DENND2A: variants seen among roughly 807,000 people sequenced by gnomAD.
The protein encoded by DENND2A is DENN domain containing 2A.
A neutral mutation model predicts 105.3 loss-of-function variants in DENND2A; 53 were observed. The ratio of observed to expected loss-of-function variants is 0.50; its 90% CI spans 0.40 to 0.63. The LOEUF (loss-of-function observed/expected upper bound fraction) is 0.63, where lower values mean the gene tolerates loss of function less well. Among genes scored for constraint, DENND2A ranks in the 30% least tolerant of loss-of-function variants. The pLI is 0.00. For missense variants in DENND2A, 1,138 were observed against 1,279.6 expected (o/e 0.89, Z 1.69); for synonymous variants, 522 against 508.4 (o/e 1.03, Z -0.36).
chr7:140,578,788 C>T (rs564737028), intron 5 of DENND2A, among the ~76,000 whole-genome samples: 2 of 152,166 alleles, frequency 1.3e-5, no homozygotes, highest in South Asian at 4.2e-4. Context: ...ACAGGAGAAT[C>T]GCTTGAACCC....
intron 3 of DENND2A, among the ~76,000 whole-genome samples, chr7:140,592,717 A>G (rs548238263): frequency 6.6e-6 from 1 of 151,798 alleles, no homozygotes. Context: ...CTCCTGCCTC[A>G]GCCTCCTGTG....
At chr7:140,574,727 A>G (rs1210561167) in intron 5 of DENND2A, among the ~76,000 whole-genome samples, 2 of 152,164 alleles carry the variant, frequency 1.3e-5, no homozygotes, top group South Asian at 4.1e-4. Context: ...AGGCCTCTTC[A>G]AAGTCAAAAG....
chr7:140,589,245 C>T (rs966030190), intron 3 of DENND2A, among the ~76,000 whole-genome samples: 3 of 152,114 alleles, frequency 2.0e-5, no homozygotes, highest in African/African-American at 7.2e-5. Flanking sequence ...TTCACAGGCT[C>T]CAAACTAAAA....
intron 12 of DENND2A, among the ~76,000 whole-genome samples, chr7:140,548,233 A>G (rs944834865): frequency 5.3e-5 from 8 of 151,680 alleles, no homozygotes; most frequent in East Asian, 1.9e-4. Flanking sequence ...CAAATTGTGT[A>G]CTTTAAATGA....
rs373264245 is a variant in DENND2A at position 140,581,969 on chromosome 7, G to GTTT, written c.1245+3617_1245+3619dup. On this transcript the variant is annotated intron_variant, in intron 5 of 19. Coordinates refer to ENST00000496613, the MANE Select transcript of DENND2A (RefSeq NM_015689.5). ...GAATGCAGAGCTGCCTTGGGCAGAT[G>GTTT]TTTTTTTTTTTTTGAGACAGAGTTT... 2.1e-4 allele frequency among the ~76,000 whole-genome samples: 31 copies of GTTT among 146,594 alleles called. 1 individual carries two copies. Among genetic ancestry groups the GTTT allele is most frequent in the African/African-American group, 7.5e-4 (30 of 40,136 alleles).
At chr7:140,550,327 G>T (rs1797077175) in intron 12 of DENND2A, among the ~76,000 whole-genome samples, 1 of 150,676 alleles carries the variant, frequency 6.6e-6, no homozygotes, top group Non-Finnish European at 1.5e-5. Flanking sequence ...CGAGTAGCTG[G>T]GATTACGGAC....
Position 140,601,970 on chromosome 7 carries a change from C to T in DENND2A, c.428G>A (p.Arg143Gln), listed in dbSNP as rs756734022. ...GCGTAGCTTGCCAAGTCTTGGCTCT[C>T]GGCCTCGGCCCCAGCTAGGATCCAC... ...REVDPSWGRG[R>Q]EPRLGKLRFQ... The change falls in exon 3 of 20, where the codon CGA (arginine) becomes CAA (glutamine). Residue 143 changes from arginine (R) to glutamine (Q), a missense_variant. By Grantham distance (43) the Arg-to-Gln change is conservative. Transcript: ENST00000496613. The T allele has an allele frequency of 7.4e-6, 12 of 1,614,128 alleles. No homozygotes were observed. In the Admixed American group the frequency reaches 8.3e-5, roughly 11 times the overall value.
At chr7:140,540,769 G>T (rs1023176025) in intron 14 of DENND2A, among the ~76,000 whole-genome samples, 3 of 151,976 alleles carry the variant, frequency 2.0e-5, no homozygotes, top group Non-Finnish European at 4.4e-5. Context: ...CCAGGCAGGA[G>T]TGCGATGGCA....
intron 14 of DENND2A, chr7:140,544,383 C>T (rs1427678285): frequency 8.9e-5 from 53 of 594,640 alleles, no homozygotes; most frequent in East Asian, 3.7e-4. Context: ...TTAGTAGAGA[C>T]GGAGTTTCAC....
intron 14 of DENND2A, among the ~76,000 whole-genome samples, chr7:140,534,585 G>A (rs558223897): frequency 1.3e-5 from 2 of 152,330 alleles, no homozygotes; most frequent in South Asian, 2.1e-4. Flanking sequence ...GGCCCGAGGA[G>A]CCCTCAAGGA....
rs201125871 is a variant in DENND2A, at chr7:140,521,987, T to A, written c.2779A>T (p.Thr927Ser). The change falls in exon 18 of 20, where the codon ACC (threonine) becomes TCC (serine). Residue 927 changes from threonine to serine, a missense_variant. By Grantham distance (58) the Thr-to-Ser change is moderately conservative (BLOSUM62 1). Coordinates refer to ENST00000496613, the MANE Select transcript of DENND2A (RefSeq NM_015689.5). Reference protein sequence around the residue: ...FLTSGEREERTLQREAFRKAV... With the variant: ...FLTSGEREERSLQREAFRKAV... ...TTGCGGAAGGCCTCCCGCTGCAGGG[T>A]TCTCTCCTCACGCTCGCCCGACGTC... The A allele has an allele frequency of 6.2e-7, 1 of 1,613,894 alleles. No individual in the cohort carries two copies. Among genetic ancestry groups the A allele is most frequent in the Admixed American group, 1.7e-5 (1 of 59,992 alleles).
chr7:140,641,010 G>A (rs2130755002), upstream of DENND2A, among the ~76,000 whole-genome samples: 1 of 148,090 alleles, frequency 6.8e-6, no homozygotes, highest in East Asian at 2.1e-4. Context: ...AACCCTTCCT[G>A]GGAGGACGCC....
chr7:140,532,087 AC>A (rs1796292720), intron 14 of DENND2A, among the ~76,000 whole-genome samples: 1 of 151,842 alleles, frequency 6.6e-6, no homozygotes, highest in Non-Finnish European at 1.5e-5. Context: ...ACATGGTGAA[AC>A]CCTGTCTCTA....
chr7:140,622,120 G>A (rs972587309), intron 1 of DENND2A, among the ~76,000 whole-genome samples: 10 of 152,002 alleles, frequency 6.6e-5, no homozygotes, highest in African/African-American at 1.7e-4. Context: ...ATTTTGTGCC[G>A]GGCGTGGTGG....
chr7:140,521,705 CTCAG>C, intron 18 of DENND2A, 146 bp downstream of exon 18: 1 of 1,311,020 alleles, frequency 7.6e-7, no homozygotes, highest in East Asian at 2.3e-5. Flanking sequence ...TTCCTACCAG[CTCAG>C]TCAGGGCATA....
At chr7:140,615,550 T>C (rs1430350190) in intron 1 of DENND2A, among the ~76,000 whole-genome samples, 2 of 148,008 alleles carry the variant, frequency 1.4e-5, no homozygotes, top group African/African-American at 5.1e-5. Context: ...TTTTTTTTTC[T>C]TTTTTGAGAC....
At chr7:140,540,403 G>A (rs1472097813) in intron 14 of DENND2A, among the ~76,000 whole-genome samples, 5 of 152,268 alleles carry the variant, frequency 3.3e-5, no homozygotes, top group African/African-American at 1.2e-4. Context: ...AGGGCAGAAT[G>A]CCAGGCACTA....
chr7:140,531,360 G>A (rs1796257572), intron 14 of DENND2A, among the ~76,000 whole-genome samples: 1 of 152,164 alleles, frequency 6.6e-6, no homozygotes, highest in Non-Finnish European at 1.5e-5. Context: ...TGTTTCTAGA[G>A]CAAGATTTTT....
intron 1 of DENND2A, among the ~76,000 whole-genome samples, chr7:140,608,121 C>T (rs1799759332): frequency 6.6e-6 from 1 of 152,162 alleles, no homozygotes; most frequent in Admixed American, 6.6e-5. Context: ...TCACAAAAAG[C>T]ACTTAAATGA....
Sources: gnomAD v4.1 joint callset for allele counts (sites outside exome capture counted in the v4.1 genomes callset) on GRCh38, gnomAD v4.1.1 for gene constraint, MANE v1.5 for transcripts, NCBI Gene and HGNC (gene_info 2026-07-23, HGNC 2026-07-21) for gene names.